Variants in LINGO2 observed in about 807,000 individuals in gnomAD.
LINGO2 encodes leucine rich repeat and Ig domain containing 2.
Under a neutral mutation model 30.6 loss-of-function variants are expected in LINGO2, and 14 were observed. The ratio of observed to expected loss-of-function variants is 0.46; its 90% CI spans 0.30 to 0.72. The LOEUF is 0.72. LINGO2 is among the 30% of genes least tolerant of loss of function. LINGO2 has a pLI of 0.07. For synonymous variants in LINGO2, 317 were observed against 288.5 expected, an observed-to-expected ratio of 1.10 and a Z score of -1.00; for missense variants, 729 against 751.7, an observed-to-expected ratio of 0.97 and a Z score of 0.35.
At chr9:28,012,211 G>A (rs967199070) in intron 5 of LINGO2, 1 of 151,834 alleles carries the variant, frequency 6.6e-6, no homozygotes, top group Non-Finnish European at 1.5e-5. Flanking sequence ...GGAGGGAAAG[G>A]GAAACTGAGA....
chr9:28,140,814 T>C (rs1827650533), intron 4 of LINGO2, among the ~76,000 whole-genome samples: 1 of 152,164 alleles, frequency 6.6e-6, no homozygotes, highest in Non-Finnish European at 1.5e-5. Flanking sequence ...ATCATTCTTT[T>C]ATGTATCTCT....
the LINGO2 span, among the ~76,000 whole-genome samples, chr9:29,133,462 G>A: frequency 0.24 from 37,045 of 151,774 alleles, 4,696 homozygotes; most frequent in East Asian, 0.44. Context: ...TAGTTCATTT[G>A]GTCCTAAAAA....
At chr9:27,960,063 A>T (rs1819761724) in intron 5 of LINGO2, among the ~76,000 whole-genome samples, 1 of 152,048 alleles carries the variant, frequency 6.6e-6, no homozygotes, top group Admixed American at 6.6e-5. Flanking sequence ...GGGGTAATAT[A>T]TTGGGGGTTA....
the LINGO2 span, among the ~76,000 whole-genome samples, chr9:29,176,026 C>G: frequency 6.7e-6 from 1 of 149,746 alleles, no homozygotes; most frequent in East Asian, 2.0e-4. Flanking sequence ...AGGCTGGCAC[C>G]AAGTCCTCGA....
chr9:28,413,362 G>A lies in LINGO2; in HGVS notation c.-278-40494C>T, dbSNP rs528378301. On this transcript the variant is annotated intron_variant, in intron 2 of 5. Coordinates refer to ENST00000379992, the Ensembl canonical transcript of LINGO2. Reference sequence around the variant, plus strand: ...TGACTTGCCTAAGTTTTCACATGTAGGTCTTTATTCATATTGTATGCTACC... The same window carrying A: ...TGACTTGCCTAAGTTTTCACATGTAAGTCTTTATTCATATTGTATGCTACC... 3.0e-4 allele frequency among the ~76,000 whole-genome samples: 45 copies of A among 152,096 alleles called. No individual in the cohort carries two copies. In the South Asian group the frequency reaches 9.3e-3, roughly 32 times the overall value.
chr9:28,876,787 A>C, the LINGO2 span, among the ~76,000 whole-genome samples: 1 of 152,082 alleles, frequency 6.6e-6, no homozygotes, highest in African/African-American at 2.4e-5. Flanking sequence ...GGCTGGGTCA[A>C]ATGGTAATTC....
At chr9:28,867,867 C>T in the LINGO2 span, among the ~76,000 whole-genome samples, 4 of 152,060 alleles carry the variant, frequency 2.6e-5, no homozygotes, top group Non-Finnish European at 5.9e-5. Flanking sequence ...TAGGTAAAAA[C>T]ATAAAGTTTG....
intron 4 of LINGO2, among the ~76,000 whole-genome samples, chr9:28,171,609 T>C (rs1224318005): frequency 6.6e-6 from 1 of 152,132 alleles, no homozygotes; most frequent in African/African-American, 2.4e-5. Flanking sequence ...AAATATGTAT[T>C]GGGACTTTAG....
chr9:28,939,091 T>C, the LINGO2 span, among the ~76,000 whole-genome samples: 1 of 152,192 alleles, frequency 6.6e-6, no homozygotes, highest in South Asian at 2.1e-4. Context: ...ATCCCTTTTA[T>C]AGCTCCCTGA....
intron 1 of LINGO2, among the ~76,000 whole-genome samples, chr9:28,575,405 A>C (rs900140653): frequency 1.3e-5 from 2 of 151,214 alleles, no homozygotes; most frequent in African/African-American, 2.4e-5. Flanking sequence ...TCAAAAAAAA[A>C]AACAACAAAA....
At chr9:28,456,093 G>C (rs1477293387) in intron 2 of LINGO2, among the ~76,000 whole-genome samples, 1 of 152,122 alleles carries the variant, frequency 6.6e-6, no homozygotes, top group Non-Finnish European at 1.5e-5. Flanking sequence ...GTTATGGTTA[G>C]TAATTTTTGA....
the LINGO2 span, among the ~76,000 whole-genome samples, chr9:29,067,085 C>T: frequency 6.6e-6 from 1 of 151,756 alleles, no homozygotes; most frequent in Non-Finnish European, 1.5e-5. Flanking sequence ...GAGAAAGAAT[C>T]ATTGAGATAT....
the LINGO2 span, among the ~76,000 whole-genome samples, chr9:28,743,943 T>C: frequency 2.6e-5 from 4 of 151,822 alleles, no homozygotes; most frequent in East Asian, 5.8e-4. Context: ...GCTACATGTA[T>C]GTTGGTGTAC....
At chr9:28,201,347 C>T (rs529905344) in intron 4 of LINGO2, among the ~76,000 whole-genome samples, 1 of 139,684 alleles carries the variant, frequency 7.2e-6, no homozygotes, top group South Asian at 2.4e-4. Context: ...TTTGTTCTTG[C>T]GATAGTTTAC....
At chr9:28,786,616 G>T in the LINGO2 span, among the ~76,000 whole-genome samples, 2 of 152,088 alleles carry the variant, frequency 1.3e-5, no homozygotes, top group African/African-American at 4.8e-5. Context: ...CAGACAAATA[G>T]ATATTTCTTC....
intron 5 of LINGO2, among the ~76,000 whole-genome samples, chr9:27,960,017 T>A (rs1819759010): frequency 6.6e-6 from 1 of 152,142 alleles, no homozygotes; most frequent in South Asian, 2.1e-4. Context: ...CATATTTGTA[T>A]CTAGTAATGT....
the LINGO2 span, among the ~76,000 whole-genome samples, chr9:28,968,955 C>T: frequency 6.6e-6 from 1 of 151,962 alleles, no homozygotes; most frequent in South Asian, 2.1e-4. Context: ...TGATTCTTAT[C>T]AGAAGTCAGA....
At chr9:28,495,775 T>G (rs1233843375) in intron 1 of LINGO2, among the ~76,000 whole-genome samples, 5 of 152,200 alleles carry the variant, frequency 3.3e-5, no homozygotes, top group Non-Finnish European at 7.3e-5. Context: ...AGATATTTCC[T>G]GCTTTCTCTT....
intron 2 of LINGO2, among the ~76,000 whole-genome samples, chr9:28,407,138 T>G (rs1352077951): frequency 6.6e-6 from 1 of 151,610 alleles, no homozygotes; most frequent in African/African-American, 2.4e-5. Flanking sequence ...TTTATAGTGG[T>G]GCATAAACTA....
Sources: gnomAD v4.1 joint callset for allele counts (sites outside exome capture counted in the v4.1 genomes callset) on GRCh38, gnomAD v4.1.1 for gene constraint, MANE v1.5 for transcripts, NCBI Gene and HGNC (gene_info 2026-07-23, HGNC 2026-07-21) for gene names.